Variants in DHODH observed in about 807,000 individuals in gnomAD.
DHODH encodes the protein dihydroorotate dehydrogenase (quinone).
In DHODH, 30 loss-of-function variants were observed where a neutral mutation model predicts 39.7. That is an observed-to-expected ratio of 0.76 (90% confidence interval 0.57 to 1.02). The LOEUF (loss-of-function observed/expected upper bound fraction) is 1.02, where lower values mean the gene tolerates loss of function less well. Among genes scored for constraint, DHODH ranks in the 50% least tolerant of loss-of-function variants. The pLI, the probability that DHODH is intolerant of heterozygous loss-of-function variation, is 0.00. For missense variants in DHODH, 531 were observed against 520.8 expected, an observed-to-expected ratio of 1.02 and a Z score of -0.19; for synonymous variants, 222 against 213.8, an observed-to-expected ratio of 1.04 and a Z score of -0.34.
intron 3 of DHODH, 22 bp from the exon 4 acceptor site, chr16:72,017,002 C>T: frequency 6.2e-7 from 1 of 1,612,326 alleles, no homozygotes; most frequent in Non-Finnish European, 8.5e-7. Flanking sequence ...CTCTGCCCCT[C>T]CCGTGTGCTT....
At position 72,022,434 on chromosome 16, in the gene DHODH, A is replaced by G. The variant is rs1156518738; in HGVS notation, c.778A>G (p.Thr260Ala). Residue 260 changes from threonine to alanine, a missense_variant, in exon 6 of 9, where the codon ACC becomes GCC. Transcript: ENST00000219240. ...AVLVKIAPDLTSQDKEDIASV... is the reference protein window; with the variant it reads ...AVLVKIAPDLASQDKEDIASV... ...CCTGGTGAAGATCGCTCCTGACCTC[A>G]CCAGCCAGGATAAGGAGGACATTGC... The G allele has an allele frequency of 6.4e-6, 10 of 1,556,626 alleles. 2 individuals are homozygous for G. The South Asian group carries it at 1.2e-4, about 18-fold the overall frequency.
chr16:72,015,603 G>T (rs2041133856), intron 3 of DHODH: 1 of 822,604 alleles, frequency 1.2e-6, no homozygotes, highest in African/African-American at 1.9e-5. Flanking sequence ...ACTTGGCCGT[G>T]CTTCCTGCTT....
At chr16:72,009,007 G>T (rs2041051730) in intron 1 of DHODH, 1 of 1,448,896 alleles carries the variant, frequency 6.9e-7, no homozygotes, top group Non-Finnish European at 9.1e-7. Flanking sequence ...GTCTGGGTGG[G>T]TGCTGATCTG....
rs375281379 is a variant in DHODH at position 72,012,207 on chromosome 16, G to T, written c.179G>T (p.Arg60Leu). ...GAGTCAGCCCACAGACTGGCTGTTCGCTTCACCTCCCTGGGGCTCCTTCCA... is the reference window on the plus strand; with the variant it reads ...GAGTCAGCCCACAGACTGGCTGTTCTCTTCACCTCCCTGGGGCTCCTTCCA... ...DPESAHRLAV[R>L]FTSLGLLPRA... is the part of the protein sequence containing the mutation. The change falls in exon 2 of 9, where the codon CGC becomes CTC. Residue 60 changes from arginine (R) to leucine (L), a missense_variant. Transcript: ENST00000219240. 1.2e-6 allele frequency: 2 copies of T among 1,614,114 alleles called. No individual in the cohort carries two copies. The highest frequency in any genetic ancestry group is 1.1e-5 in the South Asian group (1 of 91,074).
At chr16:72,010,636 A>C (rs1039876064) in intron 1 of DHODH, among the ~76,000 whole-genome samples, 1 of 152,254 alleles carries the variant, frequency 6.6e-6, no homozygotes, top group African/African-American at 2.4e-5. Context: ...GATAGAGAAA[A>C]GCATTGTGAA....
At chr16:72,021,335 G>A (rs563533148) in intron 5 of DHODH, 24 bp downstream of exon 5, 15 of 1,581,736 alleles carry the variant, frequency 9.5e-6, no homozygotes, top group Admixed American at 1.8e-5. Flanking sequence ...CCCCTCTCCA[G>A]GCCCTGTCCC....
At chr16:72,010,717 A>G (rs1029861900) in intron 1 of DHODH, among the ~76,000 whole-genome samples, 1 of 152,164 alleles carries the variant, frequency 6.6e-6, no homozygotes, top group South Asian at 2.1e-4. Context: ...GAAATGGAAT[A>G]TATGTATAAT....
At chr16:72,021,009 A>C in intron 4 of DHODH, 115 bp from the exon 5 acceptor site, 1 of 1,086,146 alleles carries the variant, frequency 9.2e-7, no homozygotes. Context: ...CGGGCAGGTC[A>C]GGTTTGGAGG....
Position 72,025,941 on chromosome 16 carries a change from C to G in DHODH, c.*1742C>G, listed in dbSNP as rs117350940. ...TGCGTGGAGGCTGCTTGGCTGGGCT[C>G]GAGCCCAGCGGTGTGGTCATAGAGC... On this transcript the variant is annotated 3_prime_UTR_variant, in exon 9 of 9. Transcript: ENST00000219240. The G allele has an allele frequency of 6.6e-6, 1 of 152,264 alleles. No homozygotes were observed. The highest frequency in any genetic ancestry group is 1.5e-5 in the Non-Finnish European group (1 of 68,104). The allele number at this position is 152,264 out of a possible 1,614,324, so 9.4% of individuals were successfully genotyped here. A position where few individuals can be genotyped will look rare whatever the true frequency, so the allele number is the denominator to read the frequency against.
rs1489349410 is a variant in DHODH at position 72,023,590 on chromosome 16, C to T, written c.1090C>T (p.Pro364Ser). The T allele has an allele frequency of 6.2e-7, 1 of 1,614,100 alleles. No homozygotes were observed. The highest frequency in any genetic ancestry group is 1.3e-5 in the African/African-American group (1 of 75,044). The change falls in exon 8 of 9, where the codon CCC (proline) becomes TCC (serine). Residue 364 changes from proline to serine, a missense_variant. Coordinates refer to ENST00000219240, the MANE Select transcript of DHODH (RefSeq NM_001361.5). ...CACGGCCCTCACCTTCTGGGGGCCA[C>T]CCGTTGTGGGCAAAGTCAAGCGGGA... is the stretch of plus-strand genomic sequence containing the variant. ...LYTALTFWGPPVVGKVKRELE... is the reference protein window; with the variant it reads ...LYTALTFWGPSVVGKVKRELE...
In DHODH at chr16:72,025,654, TGATA is replaced by T. The variant is rs1168851506; in HGVS notation, c.*1462_*1465del. On this transcript the variant is annotated 3_prime_UTR_variant, in exon 9 of 9. Coordinates refer to ENST00000219240, the MANE Select transcript of DHODH (RefSeq NM_001361.5). The stretch of plus-strand genomic sequence containing the variant: ...TGAGGGGCTGGCATGTTTCACATTC[TGATA>T]GATAGAGCCAAGTTGCTCCTATCAG... 6.6e-6 allele frequency: 1 copy of T among 152,432 alleles called. No individual in the cohort carries two copies. Among genetic ancestry groups the T allele is most frequent in the African/African-American group, 2.4e-5 (1 of 41,478 alleles). The allele number at this position is 152,432 out of a possible 1,614,324, so 9.4% of individuals were successfully genotyped here.
At chr16:72,010,362 C>T (rs2041069480) in intron 1 of DHODH, among the ~76,000 whole-genome samples, 1 of 152,192 alleles carries the variant, frequency 6.6e-6, no homozygotes, top group Admixed American at 6.5e-5. Flanking sequence ...TCGTTTATCC[C>T]TTGAGTATCA....
At chr16:72,015,793 G>A in intron 3 of DHODH, 1 of 985,326 alleles carries the variant, frequency 1.0e-6, no homozygotes. Context: ...AATCCTATAG[G>A]TGAGCAGGGG....
chr16:72,014,292 TA>T, intron 2 of DHODH, 180 bp from the exon 3 acceptor site: 1 of 631,542 alleles, frequency 1.6e-6, no homozygotes, highest in Non-Finnish European at 2.8e-6. Flanking sequence ...CCAGCACTGT[TA>T]AAAATAGTTC....
chr16:72,022,711 T>C (rs908381800), intron 6 of DHODH, among the ~76,000 whole-genome samples: 1 of 152,218 alleles, frequency 6.6e-6, no homozygotes, highest in African/African-American at 2.4e-5. Context: ...ATCCAGCAAG[T>C]TTAAGGCTTG....
Position 72,021,286 on chromosome 16 carries a change from C to T in DHODH, c.680C>T (p.Ala227Val). The change falls in exon 5 of 9, where the codon GCC becomes GTC. Residue 227 changes from alanine (A) to valine (V), a missense_variant. By Grantham distance (64) the Ala-to-Val change is moderately conservative. Coordinates refer to ENST00000219240, the MANE Select transcript of DHODH (RefSeq NM_001361.5). ...TAGLRSLQGK[A>V]ELRRLLTKVL... is the part of the protein sequence containing the mutation. ...GGGCTGCGGAGCCTTCAGGGAAAGG[C>T]CGAGCTGCGCCGCCTGCTGACCAAG... 2.5e-6 allele frequency: 4 copies of T among 1,609,786 alleles called. No individual in the cohort carries two copies. The highest frequency in any genetic ancestry group is 2.5e-6 in the Non-Finnish European group (3 of 1,178,922).
rs71153696 is a variant in DHODH, at chr16:72,017,770, C to CTTTTTTTTTTTTTTTTTTTTTTT, written c.517+682_517+683insTTTTTTTTTTTTTTTTTTTTTTT. Among the ~76,000 whole-genome samples the CTTTTTTTTTTTTTTTTTTTTTTT allele has an allele frequency of 4.8e-5, 5 of 103,806 alleles. 1 individual carries two copies. Among genetic ancestry groups the CTTTTTTTTTTTTTTTTTTTTTTT allele is most frequent in the African/African-American group, 1.8e-4 (4 of 22,706 alleles). The allele number at this position is 103,806 out of a possible 152,430, so 68.1% of individuals were successfully genotyped here. On this transcript the variant is annotated intron_variant, in intron 4 of 8. Coordinates refer to ENST00000219240, the MANE Select transcript of DHODH (RefSeq NM_001361.5). The stretch of plus-strand genomic sequence containing the variant: ...CTCTAAAAAAACCAAAAACAACATG[C>CTTTTTTTTTTTTTTTTTTTTTTT]TTTTTTTTTTTTTTTTTTGAGACGG...
rs186380246 is a variant in DHODH at position 72,020,993 on chromosome 16, C to T, written c.518-131C>T. 775 of 912,036 alleles carry T rather than the reference C, an allele frequency of 8.5e-4. 4 individuals are homozygous for T. The African/African-American group carries it at 0.01, about 12-fold the overall frequency. 56.5% of individuals were successfully genotyped at this position (912,036 alleles called of 1,614,324 possible). ...AGGCCGCAGTTGAGCACCTGTCAGC[C>T]GGTGTCGGGCAGGTCAGGTTTGGAG... On this transcript the variant is annotated intron_variant, in intron 4 of 8. Coordinates refer to ENST00000219240, the MANE Select transcript of DHODH (RefSeq NM_001361.5).
intron 5 of DHODH, 40 bp downstream of exon 5, chr16:72,021,351 C>T: frequency 6.4e-7 from 1 of 1,553,816 alleles, no homozygotes; most frequent in Non-Finnish European, 8.7e-7. Flanking sequence ...GTCCCACCAG[C>T]CTGTCCCACC....
Sources: allele counts gnomAD v4.1 joint callset (sites outside exome capture counted in the v4.1 genomes callset), GRCh38; gene constraint gnomAD v4.1.1; transcripts MANE v1.5; gene names NCBI Gene and HGNC (gene_info 2026-07-23, HGNC 2026-07-21).